The following B4GALT4 variants were observed in gnomAD, a reference collection of about 807,000 sequenced individuals.
The protein encoded by B4GALT4 is N-acetyllactosamine synthase.
A neutral mutation model predicts 37.3 loss-of-function variants in B4GALT4; 27 were observed. The ratio of observed to expected loss-of-function variants is 0.72; its 90% confidence interval spans 0.53 to 1.00. The LOEUF (loss-of-function observed/expected upper bound fraction) is 1.00, where lower values mean the gene tolerates loss of function less well. B4GALT4 is among the 50% of genes least tolerant of loss of function. The pLI, the probability that B4GALT4 is intolerant of heterozygous loss-of-function variation, is 0.00. For missense variants in B4GALT4, 372 were observed against 413.1 expected, an observed-to-expected ratio of 0.90 and a Z score of 0.86; for synonymous variants, 148 against 154.1, an observed-to-expected ratio of 0.96 and a Z score of 0.29.
chr3:119,226,073 T>G (rs1319854387), intron 4 of B4GALT4, among the ~76,000 whole-genome samples: 1 of 152,212 alleles, frequency 6.6e-6, no homozygotes, highest in African/African-American at 2.4e-5. Context: ...ATTATCCCTC[T>G]TCTTGGCCTC....
chr3:119,219,725 G>A (rs1003112428), intron 5 of B4GALT4, among the ~76,000 whole-genome samples: 1 of 152,180 alleles, frequency 6.6e-6, no homozygotes, highest in African/African-American at 2.4e-5. Flanking sequence ...AAAAGTTAGA[G>A]AGCACCTCCC....
intron 2 of B4GALT4, among the ~76,000 whole-genome samples, chr3:119,233,439 A>G (rs1392381723): frequency 6.6e-6 from 1 of 152,216 alleles, no homozygotes; most frequent in African/African-American, 2.4e-5. Context: ...AACCAAATGC[A>G]GACCAAAAAT....
intron 7 of B4GALT4, chr3:119,213,342 T>C (rs376425238): frequency 6.6e-5 from 10 of 152,244 alleles, no homozygotes; most frequent in African/African-American, 2.2e-4. Context: ...GGAAGACAAG[T>C]GGGCAGTGAA....
In B4GALT4 at chr3:119,212,473, A is replaced by T; in HGVS notation, c.*76T>A. ...CTGTAACAGGTTCTTAATGTGTGCT[A>T]CTATTTGAAGTCTCTAGGCCAAAAT... On this transcript the variant is annotated 3_prime_UTR_variant, in exon 8 of 8. Coordinates refer to ENST00000393765, the MANE Select transcript of B4GALT4 (RefSeq NM_003778.4). 1.4e-6 allele frequency: 2 copies of T among 1,421,412 alleles called. No homozygotes were observed. Among genetic ancestry groups the T allele is most frequent in the Non-Finnish European group, 1.9e-6 (2 of 1,047,504 alleles). 88.0% of individuals were successfully genotyped at this position (1,421,412 alleles called of 1,614,324 possible). A position where few individuals can be genotyped will look rare whatever the true frequency, so the allele number is the denominator to read the frequency against.
chr3:119,240,868 G>A lies in B4GALT4; in HGVS notation c.-382C>T, dbSNP rs1400074409. ...TACTCACCCCGGAGGCGGCCGCGGC[G>A]AGCTAGCACTGCCCGCGGAGAGGGG... On this transcript the variant is annotated 5_prime_UTR_variant, in exon 1 of 8. Coordinates refer to ENST00000393765, the MANE Select transcript of B4GALT4 (RefSeq NM_003778.4). 1 of 152,246 alleles carries A rather than the reference G, an allele frequency of 6.6e-6. No homozygotes were observed. The highest frequency in any genetic ancestry group is 1.5e-5 in the Non-Finnish European group (1 of 68,056). 9.4% of individuals were successfully genotyped at this position (152,246 alleles called of 1,614,324 possible).
At chr3:119,232,188 A>G (rs75653715) in intron 2 of B4GALT4, among the ~76,000 whole-genome samples, 10,018 of 152,262 alleles carry the variant, frequency 0.066, 386 homozygotes, top group African/African-American at 0.12. Flanking sequence ...CAATTAAACA[A>G]TATGGCCTGT....
At chr3:119,234,921 A>G (rs1285949582) in intron 2 of B4GALT4, 3 of 152,198 alleles carry the variant, frequency 2.0e-5, no homozygotes, top group Non-Finnish European at 4.4e-5. Context: ...CCTCCACTCA[A>G]TTCAACCAGT....
intron 7 of B4GALT4, 135 bp downstream of exon 7, chr3:119,216,105 G>T: frequency 1.7e-6 from 1 of 584,364 alleles, no homozygotes; most frequent in Non-Finnish European, 2.7e-6. Flanking sequence ...CTCCTTTTGT[G>T]TCTGTTTGAA....
chr3:119,236,120 G>C (rs1443382700), intron 2 of B4GALT4: 14 of 152,228 alleles, frequency 9.2e-5, no homozygotes, highest in Admixed American at 6.5e-5. Context: ...GGGAAAGACA[G>C]TAACTTTGTA....
chr3:119,232,794 C>T (rs1356689449), intron 2 of B4GALT4, among the ~76,000 whole-genome samples: 1 of 151,944 alleles, frequency 6.6e-6, no homozygotes, highest in Admixed American at 6.6e-5. Flanking sequence ...GGGAACATTG[C>T]TTATCTTTAT....
At chr3:119,214,599 T>A (rs943739763) in intron 7 of B4GALT4, 3 of 152,132 alleles carry the variant, frequency 2.0e-5, no homozygotes, top group Admixed American at 6.5e-5. Flanking sequence ...AAGAACTACA[T>A]CCTGAAGGAT....
At chr3:119,220,072 GAAAAGACTGGGGACTCTGTTT>G (rs1420906000) in intron 5 of B4GALT4, among the ~76,000 whole-genome samples, 3 of 152,156 alleles carry the variant, frequency 2.0e-5, no homozygotes, top group Non-Finnish European at 2.9e-5. Context: ...TACGTTCTGA[GAAAAGACTGGGGACTCTGTTT>G]AACCCATAAG....
chr3:119,215,294 T>C (rs1027760355), intron 7 of B4GALT4: 1 of 152,234 alleles, frequency 6.6e-6, no homozygotes, highest in African/African-American at 2.4e-5. Flanking sequence ...GGCCTTCATC[T>C]TTCTCCTGGG....
chr3:119,230,296 A>C (rs1194401317), intron 2 of B4GALT4, 52 bp from the exon 3 acceptor site: 4 of 728,098 alleles, frequency 5.5e-6, no homozygotes, highest in Non-Finnish European at 6.6e-6. Flanking sequence ...TTCTATCCTG[A>C]AGTGATTCAC....
chr3:119,222,449 T>C (rs923334474), intron 5 of B4GALT4, among the ~76,000 whole-genome samples: 7 of 151,902 alleles, frequency 4.6e-5, no homozygotes, highest in Non-Finnish European at 8.8e-5. Flanking sequence ...AACTCAGACA[T>C]GTGGCGTCTC....
chr3:119,239,000 A>G (rs1407222330), intron 1 of B4GALT4, among the ~76,000 whole-genome samples: 1 of 152,184 alleles, frequency 6.6e-6, no homozygotes, highest in Non-Finnish European at 1.5e-5. Flanking sequence ...CTCCAGCCCC[A>G]GAGATTTTTA....
chr3:119,238,373 A>C (rs1178559692), intron 1 of B4GALT4, among the ~76,000 whole-genome samples: 2 of 151,968 alleles, frequency 1.3e-5, no homozygotes, highest in Non-Finnish European at 2.9e-5. Context: ...TCATCTCTTA[A>C]TTACAGTATT....
rs529456311 is a variant in B4GALT4 at position 119,220,976 on chromosome 3, ACT to A, written c.675-2206_675-2205del. Among the ~76,000 whole-genome samples, 759 of 145,362 alleles carry A rather than the reference ACT, an allele frequency of 5.2e-3. 7 individuals are homozygous for A. Among genetic ancestry groups the A allele is most frequent in the African/African-American group, 0.018 (720 of 39,416 alleles). ...ACTCCAGCCTGGGCAACAGAGTGAGACTCTGTCTCAAAAAAAAAAAAAAAGGA... is the reference window on the plus strand; with the variant it reads ...ACTCCAGCCTGGGCAACAGAGTGAGACTGTCTCAAAAAAAAAAAAAAAGGA... On this transcript the variant is annotated intron_variant, in intron 5 of 7. Transcript: ENST00000393765.
At position 119,237,845 on chromosome 3, in the gene B4GALT4, A is replaced by C. The variant is rs1024342424; in HGVS notation, c.-363-775T>G. 3.9e-5 allele frequency among the ~76,000 whole-genome samples: 6 copies of C among 152,254 alleles called. No individual in the cohort carries two copies. In the East Asian group the frequency reaches 1.2e-3, roughly 29 times the overall value. On this transcript the variant is annotated intron_variant, in intron 1 of 7. Transcript: ENST00000393765. ...AAATTGAAGAGTCTAAATGTTAACA[A>C]TAGCGATCTGATTTAATTAATTATA...
Sources: gnomAD v4.1 joint callset for allele counts (sites outside exome capture counted in the v4.1 genomes callset) on GRCh38, gnomAD v4.1.1 for gene constraint, MANE v1.5 for transcripts, NCBI Gene and HGNC (gene_info 2026-07-23, HGNC 2026-07-21) for gene names.